MAGI2: variants seen among roughly 807,000 people sequenced by gnomAD.
The protein encoded by MAGI2 is membrane-associated guanylate kinase, WW and PDZ domain-containing protein 2.
In MAGI2, 35 loss-of-function variants were observed where a neutral mutation model predicts 133.3. The observed-to-expected ratio is 0.26, with a 90% CI of 0.20 to 0.35. The LOEUF (loss-of-function observed/expected upper bound fraction) is 0.35, where lower values mean the gene tolerates loss of function less well. Among genes scored for constraint, MAGI2 ranks in the 10% least tolerant of loss-of-function variants. MAGI2 has a pLI of 1.00. For missense variants in MAGI2, 1,636 were observed against 1,863.4 expected, an observed-to-expected ratio of 0.88 and a Z score of 2.25; for synonymous variants, 729 against 710.6, an observed-to-expected ratio of 1.03 and a Z score of -0.41.
intron 2 of MAGI2, among the ~76,000 whole-genome samples, chr7:78,640,019 G>A (rs1810111669): frequency 6.6e-6 from 1 of 152,142 alleles, no homozygotes; most frequent in Non-Finnish European, 1.5e-5. Context: ...TGAGATTTTA[G>A]TATTCGACAC....
At chr7:78,457,915 TC>T (rs1390225495) in intron 6 of MAGI2, among the ~76,000 whole-genome samples, 1 of 152,204 alleles carries the variant, frequency 6.6e-6, no homozygotes, top group Non-Finnish European at 1.5e-5. Context: ...TTCAATAATC[TC>T]CAAAGCCTTT....
At chr7:78,494,910 C>G (rs1793947605) in intron 5 of MAGI2, among the ~76,000 whole-genome samples, 1 of 152,126 alleles carries the variant, frequency 6.6e-6, no homozygotes, top group South Asian at 2.1e-4. Context: ...CCGGGAAATA[C>G]TATGCCATAA....
intron 20 of MAGI2, among the ~76,000 whole-genome samples, chr7:78,105,459 G>A (rs1818589034): frequency 6.6e-6 from 1 of 152,098 alleles, no homozygotes; most frequent in Non-Finnish European, 1.5e-5. Flanking sequence ...GTAGCATATT[G>A]TGTATTTCTA....
chr7:78,964,887 A>G (rs1389599648), intron 2 of MAGI2, among the ~76,000 whole-genome samples: 1 of 152,006 alleles, frequency 6.6e-6, no homozygotes, highest in Admixed American at 6.6e-5. Context: ...AATATCATAC[A>G]GTCTCTCAAG....
intron 3 of MAGI2, among the ~76,000 whole-genome samples, chr7:78,578,811 T>C (rs1802536958): frequency 1.3e-5 from 2 of 152,208 alleles, no homozygotes; most frequent in Non-Finnish European, 2.9e-5. Flanking sequence ...GCCAGGGCAT[T>C]ATCCCTCGGG....
intron 2 of MAGI2, among the ~76,000 whole-genome samples, chr7:78,867,560 A>AG (rs1794673727): frequency 8.7e-6 from 1 of 115,340 alleles, no homozygotes; most frequent in Non-Finnish European, 1.8e-5. Flanking sequence ...GGGAGGGGGG[A>AG]GGGATAGCAT....
intron 20 of MAGI2, among the ~76,000 whole-genome samples, chr7:78,094,268 C>T (rs143951708): frequency 4.9e-4 from 74 of 152,268 alleles, no homozygotes; most frequent in African/African-American, 1.7e-3. Flanking sequence ...ATTCCTTGAG[C>T]GTATTTTCTA....
chr7:78,811,522 A>G (rs1789047350), intron 2 of MAGI2, among the ~76,000 whole-genome samples: 1 of 152,180 alleles, frequency 6.6e-6, no homozygotes, highest in Non-Finnish European at 1.5e-5. Context: ...GGAAAAAATC[A>G]TATATTCTTA....
chr7:78,563,322 G>A (rs34477521), intron 3 of MAGI2, among the ~76,000 whole-genome samples: 48,043 of 152,010 alleles, frequency 0.32, 9,130 homozygotes, highest in Middle Eastern at 0.44. Context: ...GGACTGCTTC[G>A]CAGAGACCAT....
At chr7:78,935,069 T>C (rs1245085907) in intron 2 of MAGI2, among the ~76,000 whole-genome samples, 1 of 152,180 alleles carries the variant, frequency 6.6e-6, no homozygotes, top group Non-Finnish European at 1.5e-5. Context: ...AATAATTACC[T>C]GTTGCTAAAA....
intron 1 of MAGI2, among the ~76,000 whole-genome samples, chr7:79,069,955 G>C (rs1814787848): frequency 6.6e-6 from 1 of 152,084 alleles, no homozygotes; most frequent in Non-Finnish European, 1.5e-5. Context: ...TGGCTTGTAG[G>C]GTTTCTGACA....
intron 4 of MAGI2, among the ~76,000 whole-genome samples, chr7:78,508,480 A>T (rs1360269753): frequency 3.3e-5 from 5 of 152,188 alleles, no homozygotes; most frequent in South Asian, 2.1e-4. Flanking sequence ...TAAATTTTTT[A>T]AAAATGACAT....
At chr7:78,808,388 C>T (rs1390216175) in intron 2 of MAGI2, among the ~76,000 whole-genome samples, 1 of 152,116 alleles carries the variant, frequency 6.6e-6, no homozygotes, top group Admixed American at 6.5e-5. Flanking sequence ...TCCCAAGTAG[C>T]TGGGACTACA....
intron 1 of MAGI2, among the ~76,000 whole-genome samples, chr7:79,174,522 C>T (rs1014780232): frequency 4.6e-5 from 7 of 151,558 alleles, no homozygotes; most frequent in South Asian, 4.2e-4. Flanking sequence ...ATTAAAGAAA[C>T]GTATACCCTT....
chr7:78,895,569 A>G (rs1172492114), intron 2 of MAGI2, among the ~76,000 whole-genome samples: 1 of 151,092 alleles, frequency 6.6e-6, no homozygotes, highest in African/African-American at 2.5e-5. Context: ...CAGTGCTATA[A>G]ATTAACCCCA....
At chr7:79,068,455 T>C (rs146351497) in intron 1 of MAGI2, among the ~76,000 whole-genome samples, 1 of 152,316 alleles carries the variant, frequency 6.6e-6, no homozygotes, top group East Asian at 1.9e-4. Flanking sequence ...TTACCATTTT[T>C]TATTGCATTT....
At chr7:78,937,813 T>G (rs556171596) in intron 2 of MAGI2, among the ~76,000 whole-genome samples, 6 of 152,230 alleles carry the variant, frequency 3.9e-5, no homozygotes, top group African/African-American at 1.4e-4. Context: ...TGGCTTTCTA[T>G]CAGTAAAATG....
intron 6 of MAGI2, among the ~76,000 whole-genome samples, chr7:78,461,399 T>TGTGTGTGTGTGTGC (rs1333690228): frequency 5.0e-5 from 5 of 100,204 alleles, no homozygotes; most frequent in African/African-American, 1.9e-4. Flanking sequence ...TGTGCGTGTG[T>TGTGTGTGTGTGTGC]GTGTGTGTGT....
intron 20 of MAGI2, among the ~76,000 whole-genome samples, chr7:78,102,204 G>C (rs1293139549): frequency 6.6e-6 from 1 of 152,094 alleles, no homozygotes; most frequent in East Asian, 1.9e-4. Context: ...GCTGGGGGTT[G>C]GGGAAAAGGG....
Sources: allele counts gnomAD v4.1 joint callset (sites outside exome capture counted in the v4.1 genomes callset), GRCh38; gene constraint gnomAD v4.1.1; transcripts MANE v1.5; gene names NCBI Gene and HGNC (gene_info 2026-07-23, HGNC 2026-07-21).